The following SPACA7 variants were observed in gnomAD, a reference collection of about 807,000 sequenced individuals.
SPACA7 encodes sperm acrosome-associated protein 7.
Under a neutral mutation model 26.3 loss-of-function variants are expected in SPACA7, and 19 were observed. That is an observed-to-expected ratio of 0.72 (90% CI 0.50 to 1.06). The LOEUF is 1.06. SPACA7 is among the 50% of genes least tolerant of loss of function. The pLI is 0.00. For missense variants in SPACA7, 211 were observed against 229.9 expected, an observed-to-expected ratio of 0.92 and a Z score of 0.53; for synonymous variants, 84 against 84.5, an observed-to-expected ratio of 0.99 and a Z score of 0.04.
At chr13:112,383,112 AAAG>A (rs1488535195) in intron 1 of SPACA7, among the ~76,000 whole-genome samples, 16 of 7,592 alleles carry the variant, frequency 2.1e-3, no homozygotes, top group African/African-American at 2.9e-3. Flanking sequence ...AAAGAAAAGA[AAAG>A]AAAAGAAAAG....
At chr13:112,407,606 T>A (rs985738579) in intron 5 of SPACA7, among the ~76,000 whole-genome samples, 5 of 151,962 alleles carry the variant, frequency 3.3e-5, no homozygotes, top group African/African-American at 1.2e-4. Flanking sequence ...GCAAATAAAC[T>A]AGAAAATCTA....
chr13:112,402,503 A>G (rs1237807230), intron 5 of SPACA7, among the ~76,000 whole-genome samples: 1 of 152,114 alleles, frequency 6.6e-6, no homozygotes, highest in African/African-American at 2.4e-5. Context: ...TTCTTTACCA[A>G]TTTTTATGCA....
chr13:112,399,302 C>G, intron 4 of SPACA7, 129 bp downstream of exon 4: 2 of 682,520 alleles, frequency 2.9e-6, no homozygotes, highest in South Asian at 3.3e-5. Flanking sequence ...GTGCCCACTT[C>G]CCCTGGTTGG....
At chr13:112,386,582 G>A (rs773017098) in intron 1 of SPACA7, among the ~76,000 whole-genome samples, 2 of 151,900 alleles carry the variant, frequency 1.3e-5, no homozygotes, top group African/African-American at 2.4e-5. Flanking sequence ...TTATCTTAGG[G>A]CCTCTCATGT....
chr13:112,410,372 A>AAT (rs557711314), intron 5 of SPACA7, among the ~76,000 whole-genome samples: 9 of 151,566 alleles, frequency 5.9e-5, no homozygotes, highest in African/African-American at 1.7e-4. Context: ...CAATTAAAAA[A>AAT]ATATATATAT....
rs148795567 is a variant in SPACA7, at chr13:112,416,804, T to TTGTGTG, written c.446-15616_446-15611dup. On this transcript the variant is annotated intron_variant, in intron 5 of 6. Coordinates refer to ENST00000283550, the MANE Select transcript of SPACA7 (RefSeq NM_145248.5). ...AGTCATTTACATATATGATTATGAG[T>TTGTGTG]TGTGTGTGTGTGTGTGTGTGTGTGT... Among the ~76,000 whole-genome samples the TTGTGTG allele has an allele frequency of 4.2e-3, 626 of 148,010 alleles. 3 individuals are homozygous for TTGTGTG. Among genetic ancestry groups the TTGTGTG allele is most frequent in the Middle Eastern group, 0.017 (5 of 290 alleles).
chr13:112,392,739 C>T (rs1884974074), intron 1 of SPACA7, among the ~76,000 whole-genome samples: 1 of 152,120 alleles, frequency 6.6e-6, no homozygotes. Context: ...ATTCTAGGGA[C>T]CAGGAGGGCA....
intron 5 of SPACA7, among the ~76,000 whole-genome samples, chr13:112,405,842 G>T (rs1008844868): frequency 1.3e-5 from 2 of 151,954 alleles, no homozygotes; most frequent in Non-Finnish European, 2.9e-5. Context: ...GTGTTATTTG[G>T]TGCATAGATT....
chr13:112,394,122 T>C (rs1051018315), intron 2 of SPACA7, among the ~76,000 whole-genome samples: 15 of 152,322 alleles, frequency 9.8e-5, no homozygotes, highest in Admixed American at 7.8e-4. Context: ...CACAGTTCCA[T>C]GTGTCCTTTG....
intron 5 of SPACA7, among the ~76,000 whole-genome samples, chr13:112,413,069 A>G (rs911735620): frequency 6.6e-6 from 1 of 151,978 alleles, no homozygotes; most frequent in Non-Finnish European, 1.5e-5. Context: ...TTTTTAATAG[A>G]TTTGCCTTTT....
chr13:112,401,011 G>A (rs1457011655), intron 4 of SPACA7, 58 bp from the exon 5 acceptor site: 42 of 1,232,366 alleles, frequency 3.4e-5, no homozygotes, highest in Non-Finnish European at 4.8e-5. Context: ...TGACCAAAGT[G>A]CTTATAAGTG....
Position 112,382,670 on chromosome 13 carries a change from G to A in SPACA7, c.94+6191G>A, listed in dbSNP as rs1330358690. Among the ~76,000 whole-genome samples the A allele has an allele frequency of 7.2e-5, 11 of 152,224 alleles. No homozygotes were observed. The East Asian group carries it at 2.1e-3, about 29-fold the overall frequency. On this transcript the variant is annotated intron_variant, in intron 1 of 6. Coordinates refer to ENST00000283550, the MANE Select transcript of SPACA7 (RefSeq NM_145248.5). ...AGGTAAATAATGAGTCCTAGGATAA[G>A]GAGCACAATTTTTAATTTTAAAAGC...
At chr13:112,412,320 T>C (rs1886403270) in intron 5 of SPACA7, among the ~76,000 whole-genome samples, 1 of 152,136 alleles carries the variant, frequency 6.6e-6, no homozygotes, top group Non-Finnish European at 1.5e-5. Context: ...GCTACAGAGT[T>C]GTTTGAGTTC....
At chr13:112,406,133 T>C (rs2138982060) in intron 5 of SPACA7, among the ~76,000 whole-genome samples, 1 of 152,336 alleles carries the variant, frequency 6.6e-6, no homozygotes, top group Non-Finnish European at 1.5e-5. Flanking sequence ...TTTTTAACTG[T>C]ACAGTTCCAT....
intron 5 of SPACA7, among the ~76,000 whole-genome samples, chr13:112,416,057 G>A (rs1263658347): frequency 1.3e-5 from 2 of 151,900 alleles, no homozygotes; most frequent in African/African-American, 4.8e-5. Context: ...TGTTGGGGCA[G>A]GGTGGTGTAG....
intron 6 of SPACA7, 89 bp from the exon 7 acceptor site, chr13:112,434,396 C>CT: frequency 8.8e-7 from 1 of 1,131,624 alleles, no homozygotes; most frequent in Non-Finnish European, 1.3e-6. Context: ...TTGGTTCCTC[C>CT]TGTCCCCTGG....
chr13:112,385,339 T>A (rs1884456151), intron 1 of SPACA7, among the ~76,000 whole-genome samples: 1 of 152,236 alleles, frequency 6.6e-6, no homozygotes, highest in Non-Finnish European at 1.5e-5. Context: ...ACACGTTCCC[T>A]ACACATCTTG....
At chr13:112,398,207 T>A in intron 3 of SPACA7, 69 bp downstream of exon 3, 1 of 1,152,138 alleles carries the variant, frequency 8.7e-7, no homozygotes, top group South Asian at 1.2e-5. Flanking sequence ...GTCTGTGGTA[T>A]GGAATACGTG....
chr13:112,405,248 T>G (rs1327123400), intron 5 of SPACA7, among the ~76,000 whole-genome samples: 1 of 152,144 alleles, frequency 6.6e-6, no homozygotes, highest in African/African-American at 2.4e-5. Flanking sequence ...TAATATTACC[T>G]TCTTTATTTT....
Sources: gnomAD v4.1 joint callset for allele counts (sites outside exome capture counted in the v4.1 genomes callset) on GRCh38, gnomAD v4.1.1 for gene constraint, MANE v1.5 for transcripts, NCBI Gene and HGNC (gene_info 2026-07-23, HGNC 2026-07-21) for gene names.